The following ZNF138 variants were observed in gnomAD, a reference collection of about 807,000 sequenced individuals.
ZNF138 encodes the protein zinc finger protein 138 (clone pHZ-32).
A neutral mutation model predicts 33.0 loss-of-function variants in ZNF138; 33 were observed. The ratio of observed to expected loss-of-function variants is 1.00; its 90% CI spans 0.76 to 1.34. ZNF138 has a LOEUF of 1.34. ZNF138 is among the 40% of genes most tolerant of loss of function. The pLI is 0.00. For synonymous variants in ZNF138, 139 were observed against 120.4 expected (o/e 1.15, Z -1.01); for missense variants, 360 against 370.8 (o/e 0.97, Z 0.24).
the ZNF138 span, among the ~76,000 whole-genome samples, chr7:64,854,493 G>A: frequency 1.3e-5 from 2 of 152,138 alleles, no homozygotes; most frequent in African/African-American, 2.4e-5. Context: ...GGCCCACCTC[G>A]GCCTCCAAAA....
chr7:64,814,796 T>G (rs1244982925), intron 1 of ZNF138, 122 bp from the exon 2 acceptor site: 3 of 1,262,240 alleles, frequency 2.4e-6, no homozygotes, highest in Admixed American at 4.9e-5. Context: ...ATAATTTCAG[T>G]CACTCCTGTA....
chr7:64,830,928 G>C, intron 3 of ZNF138: 1 of 1,548,538 alleles, frequency 6.5e-7, no homozygotes, highest in Non-Finnish European at 8.7e-7. Flanking sequence ...ACTGTTCCCT[G>C]TCTCTTTGCA....
At chr7:64,852,706 A>G in the ZNF138 span, 15 of 1,197,642 alleles carry the variant, frequency 1.3e-5, no homozygotes, top group Non-Finnish European at 1.7e-5. Flanking sequence ...TCCATTTCTT[A>G]GGAATATCCA....
the ZNF138 span, among the ~76,000 whole-genome samples, chr7:64,842,546 C>T: frequency 6.6e-6 from 1 of 152,066 alleles, no homozygotes; most frequent in Non-Finnish European, 1.5e-5. Flanking sequence ...TTCTTAGTCA[C>T]CTGTCGTCAA....
At chr7:64,801,418 C>T (rs1341093199) in intron 1 of ZNF138, among the ~76,000 whole-genome samples, 3 of 152,080 alleles carry the variant, frequency 2.0e-5, no homozygotes, top group Admixed American at 6.6e-5. Flanking sequence ...TTATTATATA[C>T]CCAAAAGTTA....
intron 1 of ZNF138, among the ~76,000 whole-genome samples, chr7:64,802,675 T>G (rs1787240109): frequency 1.3e-5 from 2 of 152,012 alleles, no homozygotes; most frequent in Admixed American, 1.3e-4. Context: ...TTGGGCAAGA[T>G]AAAAAATTCA....
the ZNF138 span, among the ~76,000 whole-genome samples, chr7:64,854,249 CT>C: frequency 6.6e-6 from 1 of 151,816 alleles, no homozygotes; most frequent in Admixed American, 6.6e-5. Context: ...ATATGTACTT[CT>C]TTTTTTTGGA....
downstream of ZNF138, chr7:64,835,560 A>T (rs567580311): frequency 1.3e-5 from 2 of 150,938 alleles, no homozygotes; most frequent in Non-Finnish European, 2.9e-5. Flanking sequence ...CTCCTCTTGG[A>T]TCTTTTTTTT....
At chr7:64,800,426 G>A (rs189618591) in intron 1 of ZNF138, among the ~76,000 whole-genome samples, 73 of 152,260 alleles carry the variant, frequency 4.8e-4, no homozygotes, top group Admixed American at 3.9e-4. Flanking sequence ...GAAAGCTCCT[G>A]CATCTATTAA....
chr7:64,825,827 G>A (rs6460189), intron 3 of ZNF138, among the ~76,000 whole-genome samples: 149,833 of 152,196 alleles, frequency 0.98, 73,800 homozygotes, highest in East Asian at 1. Flanking sequence ...ATGAGCCCCC[G>A]CGCCTGGCCA....
At chr7:64,849,663 T>G in the ZNF138 span, among the ~76,000 whole-genome samples, 3 of 151,944 alleles carry the variant, frequency 2.0e-5, no homozygotes, top group African/African-American at 7.3e-5. Context: ...AATAGAGTTA[T>G]GTTCCCAAAG....
At chr7:64,799,422 C>T (rs1197798754) in intron 1 of ZNF138, among the ~76,000 whole-genome samples, 1 of 152,118 alleles carries the variant, frequency 6.6e-6, no homozygotes, top group Non-Finnish European at 1.5e-5. Flanking sequence ...CTCTGCCTCC[C>T]AAAGTGCTGG....
downstream of ZNF138, among the ~76,000 whole-genome samples, chr7:64,834,611 T>C (rs145035012): frequency 6.6e-6 from 1 of 152,346 alleles, no homozygotes; most frequent in Non-Finnish European, 1.5e-5. Context: ...TGAAAGCATG[T>C]GATCAATTGT....
chr7:64,844,631 G>A, the ZNF138 span, among the ~76,000 whole-genome samples: 110 of 151,568 alleles, frequency 7.3e-4, 1 homozygote, highest in African/African-American at 2.5e-3. Flanking sequence ...AGGTTTCGAG[G>A]AACAGGTGGT....
chr7:64,806,199 T>C (rs1242994063), intron 1 of ZNF138, among the ~76,000 whole-genome samples: 2 of 152,216 alleles, frequency 1.3e-5, no homozygotes, highest in African/African-American at 4.8e-5. Flanking sequence ...AACTCACGGT[T>C]GTGCTGCAAA....
chr7:64,808,457 T>C (rs1787792366), intron 1 of ZNF138, among the ~76,000 whole-genome samples: 1 of 152,190 alleles, frequency 6.6e-6, no homozygotes, highest in African/African-American at 2.4e-5. Flanking sequence ...CATCATATGG[T>C]TGGCATAATA....
intron 3 of ZNF138, among the ~76,000 whole-genome samples, chr7:64,816,835 C>A (rs547559631): frequency 6.6e-6 from 1 of 152,126 alleles, no homozygotes; most frequent in Non-Finnish European, 1.5e-5. Context: ...CTTTTGTTGG[C>A]CCCCAGGTGA....
At chr7:64,852,392 G>A in the ZNF138 span, 3 of 1,507,660 alleles carry the variant, frequency 2.0e-6, no homozygotes, top group East Asian at 6.8e-5. Context: ...TTTCTGCTTA[G>A]ATTAAGAGGT....
chr7:64,838,870 G>A, the ZNF138 span, among the ~76,000 whole-genome samples: 3 of 149,166 alleles, frequency 2.0e-5, no homozygotes, highest in African/African-American at 7.3e-5. Context: ...CTAAAATGGT[G>A]GCAGAGAAAA....
Sources: allele counts gnomAD v4.1 joint callset (sites outside exome capture counted in the v4.1 genomes callset), GRCh38; gene constraint gnomAD v4.1.1; transcripts MANE v1.5; gene names NCBI Gene and HGNC (gene_info 2026-07-23, HGNC 2026-07-21).